CNDP1: variants seen among roughly 807,000 people sequenced by gnomAD.
CNDP1 encodes carnosine dipeptidase 1.
A neutral mutation model predicts 58.1 loss-of-function variants in CNDP1; 44 were observed. The ratio of observed to expected loss-of-function variants is 0.76; its 90% CI spans 0.60 to 0.97. The LOEUF (loss-of-function observed/expected upper bound fraction) is 0.97. Ranked by LOEUF, CNDP1 falls within the 50% of genes least tolerant of loss-of-function variation. CNDP1 has a pLI of 0.00. For synonymous variants in CNDP1, 254 were observed against 252.6 expected (o/e 1.01, Z -0.05); for missense variants, 616 against 655.1 (o/e 0.94, Z 0.65).
At chr18:74,543,499 T>TAAAAC (rs547500141) in intron 1 of CNDP1, among the ~76,000 whole-genome samples, 1 of 131,524 alleles carries the variant, frequency 7.6e-6, no homozygotes, top group East Asian at 2.1e-4. Flanking sequence ...TCTCAAAAAA[T>TAAAAC]AAAACAAAAC....
chr18:74,554,526 T>C (rs1555709168), intron 1 of CNDP1, among the ~76,000 whole-genome samples: 1 of 152,194 alleles, frequency 6.6e-6, no homozygotes, highest in Non-Finnish European at 1.5e-5. Context: ...TGCAATGTGT[T>C]GGGGGGCTCG....
At chr18:74,572,748 G>A (rs1410830694) in intron 7 of CNDP1, among the ~76,000 whole-genome samples, 1 of 134,532 alleles carries the variant, frequency 7.4e-6, no homozygotes, top group Non-Finnish European at 1.5e-5. Context: ...AGATAATCGT[G>A]CCACTGTACT....
chr18:74,567,678 G>A (rs1247410762), intron 6 of CNDP1, among the ~76,000 whole-genome samples: 1 of 152,186 alleles, frequency 6.6e-6, no homozygotes, highest in African/African-American at 2.4e-5. Context: ...GATTCACAGG[G>A]GTTTGTGACT....
intron 1 of CNDP1, among the ~76,000 whole-genome samples, chr18:74,548,402 C>T (rs985262037): frequency 6.6e-6 from 1 of 152,310 alleles, no homozygotes; most frequent in Non-Finnish European, 1.5e-5. Flanking sequence ...AGCCTGCTCT[C>T]TCTTCACCTT....
At chr18:74,547,409 G>A (rs1200970199) in intron 1 of CNDP1, among the ~76,000 whole-genome samples, 2 of 152,188 alleles carry the variant, frequency 1.3e-5, no homozygotes, top group Non-Finnish European at 2.9e-5. Flanking sequence ...AGGCTTTGTG[G>A]GGGGTGGAGG....
In CNDP1 at chr18:74,556,544, G is replaced by A. The variant is rs565354270; in HGVS notation, c.153+78G>A. ...TGGTATTTGGGTGAGACAATTATTT[G>A]CTTGGAGATGTGGATTTTTTTGCCT... is the stretch of plus-strand genomic sequence containing the variant. On this transcript the variant is annotated intron_variant, in intron 2 of 11. Transcript: ENST00000358821. 1.1e-3 allele frequency: 1,688 copies of A among 1,560,548 alleles called. 17 individuals carry two copies. The highest frequency in any genetic ancestry group is 8.9e-3 in the South Asian group (777 of 87,216).
intron 6 of CNDP1, among the ~76,000 whole-genome samples, chr18:74,568,757 T>C (rs932096198): frequency 6.6e-6 from 1 of 152,002 alleles, no homozygotes. Flanking sequence ...AGTGGTCACT[T>C]TGGGACAGGG....
intron 1 of CNDP1, among the ~76,000 whole-genome samples, chr18:74,540,757 T>C (rs1484409518): frequency 1.3e-5 from 2 of 152,210 alleles, no homozygotes; most frequent in South Asian, 4.1e-4. Context: ...ATTGGCGACG[T>C]TGTGGCCATG....
At position 74,562,546 on chromosome 18, in the gene CNDP1, G is replaced by A. The variant is rs1032427036; in HGVS notation, c.555+411G>A. Among the ~76,000 whole-genome samples the A allele has an allele frequency of 1.3e-5, 2 of 152,172 alleles. 1 individual carries two copies. Among genetic ancestry groups the A allele is most frequent in the African/African-American group, 4.8e-5 (2 of 41,502 alleles). On this transcript the variant is annotated intron_variant, in intron 5 of 11. Coordinates refer to ENST00000358821, the MANE Select transcript of CNDP1 (RefSeq NM_032649.6). ...TCTTATCACAAAGTATGATTTGTTA[G>A]TAGAGACACACACACATTTTTAAAA...
At chr18:74,578,011 A>T in intron 8 of CNDP1, 152 bp from the exon 9 acceptor site, 1 of 627,484 alleles carries the variant, frequency 1.6e-6, no homozygotes, top group South Asian at 2.2e-5. Flanking sequence ...TTGTGTCCTG[A>T]GGAAAAAGTC....
intron 5 of CNDP1, among the ~76,000 whole-genome samples, chr18:74,563,665 C>G (rs1981258687): frequency 6.6e-6 from 1 of 152,116 alleles, no homozygotes. Flanking sequence ...GAGAGTGTTC[C>G]TTTCTTCCTC....
At chr18:74,555,130 G>A (rs1981004744) in intron 1 of CNDP1, among the ~76,000 whole-genome samples, 1 of 152,174 alleles carries the variant, frequency 6.6e-6, no homozygotes, top group Non-Finnish European at 1.5e-5. Context: ...GATTAAACAA[G>A]TCAGAATTTG....
At position 74,559,364 on chromosome 18, in the gene CNDP1, G is replaced by T; in HGVS notation, c.195G>T (p.Gln65His). Residue 65 changes from glutamine (Q) to histidine (H), a missense_variant, in exon 3 of 12, where the codon CAG (glutamine) becomes CAT (histidine). Transcript: ENST00000358821. ...EWVAIESDSV[Q>H]PVPRFRQELF... ...TGGCCATCGAGAGCGACTCTGTCCAGCCTGTGCCTCGCTTCAGACAAGAGC... is the reference window on the plus strand; with the variant it reads ...TGGCCATCGAGAGCGACTCTGTCCATCCTGTGCCTCGCTTCAGACAAGAGC... 1 of 1,614,074 alleles carries T rather than the reference G, an allele frequency of 6.2e-7. No individual in the cohort carries two copies. Among genetic ancestry groups the T allele is most frequent in the Non-Finnish European group, 8.5e-7 (1 of 1,180,024 alleles).
chr18:74,551,226 T>C (rs1298022820), intron 1 of CNDP1, among the ~76,000 whole-genome samples: 1 of 151,982 alleles, frequency 6.6e-6, no homozygotes, highest in Non-Finnish European at 1.5e-5. Context: ...GCACCATGCT[T>C]CCTGTACAGC....
intron 9 of CNDP1, 91 bp from the exon 10 acceptor site, chr18:74,580,037 CTG>C: frequency 9.1e-7 from 1 of 1,093,436 alleles, no homozygotes. Context: ...GCTATATTAA[CTG>C]TACTAATCAG....
At chr18:74,555,419 G>C (rs1388071207) in intron 1 of CNDP1, among the ~76,000 whole-genome samples, 1 of 152,124 alleles carries the variant, frequency 6.6e-6, no homozygotes, top group Admixed American at 6.5e-5. Flanking sequence ...CTGATGGCTC[G>C]GGCTGCACTG....
intron 10 of CNDP1, among the ~76,000 whole-genome samples, chr18:74,583,063 G>C (rs1172298437): frequency 6.6e-6 from 1 of 152,178 alleles, no homozygotes; most frequent in Non-Finnish European, 1.5e-5. Flanking sequence ...CCTGAGTGCA[G>C]TTGCAAGATC....
At chr18:74,564,831 G>A (rs74745493) in intron 5 of CNDP1, among the ~76,000 whole-genome samples, 4,040 of 152,272 alleles carry the variant, frequency 0.027, 72 homozygotes, top group Middle Eastern at 0.054. Flanking sequence ...CAGAACTGTG[G>A]GGAATGCAAA....
At chr18:74,544,884 G>A (rs983581806) in intron 1 of CNDP1, among the ~76,000 whole-genome samples, 3 of 152,074 alleles carry the variant, frequency 2.0e-5, no homozygotes, top group African/African-American at 7.2e-5. Context: ...TTAAAAAGAG[G>A]TCACTCTGGA....
Sources: gnomAD v4.1 joint callset for allele counts (sites outside exome capture counted in the v4.1 genomes callset) on GRCh38, gnomAD v4.1.1 for gene constraint, MANE v1.5 for transcripts, NCBI Gene and HGNC (gene_info 2026-07-23, HGNC 2026-07-21) for gene names.